DCDC1: variants seen among roughly 807,000 people sequenced by gnomAD.
The protein encoded by DCDC1 is doublecortin domain-containing protein 1.
DCDC1 carries 200 observed loss-of-function variants against 178.3 expected under a neutral mutation model. The ratio of observed to expected loss-of-function variants is 1.12; its 90% confidence interval spans 1.00 to 1.26. The LOEUF is 1.26. Among genes scored for constraint, DCDC1 ranks in the 50% most tolerant of loss-of-function variants. The pLI, the probability that DCDC1 is intolerant of heterozygous loss-of-function variation, is 0.00. For synonymous variants in DCDC1, 690 were observed against 604.8 expected (o/e 1.14, Z -2.07); for missense variants, 1,983 against 1,749.2 (o/e 1.13, Z -2.38).
At chr11:31,066,882 G>A (rs540247975) in intron 18 of DCDC1, among the ~76,000 whole-genome samples, 1 of 152,288 alleles carries the variant, frequency 6.6e-6, no homozygotes, top group African/African-American at 2.4e-5. Flanking sequence ...ATGTGTCAGT[G>A]TAGGTTCACC....
chr11:31,180,681 A>G (rs1968671726), intron 9 of DCDC1, among the ~76,000 whole-genome samples: 2 of 151,978 alleles, frequency 1.3e-5, no homozygotes, highest in African/African-American at 4.8e-5. Flanking sequence ...AGATATTATG[A>G]TTTTCCCATG....
At chr11:30,951,761 G>A (rs1459938568) in intron 21 of DCDC1, among the ~76,000 whole-genome samples, 1 of 151,938 alleles carries the variant, frequency 6.6e-6, no homozygotes, top group Non-Finnish European at 1.5e-5. Flanking sequence ...TTCCAAACTA[G>A]TTGATGGGGA....
chr11:30,987,264 G>C (rs1198845988), intron 20 of DCDC1, among the ~76,000 whole-genome samples: 1 of 152,132 alleles, frequency 6.6e-6, no homozygotes, highest in East Asian at 1.9e-4. Flanking sequence ...TGATCTGCCT[G>C]CCTCAGCCTC....
chr11:31,062,700 T>A (rs187394812), intron 20 of DCDC1, among the ~76,000 whole-genome samples: 1 of 152,172 alleles, frequency 6.6e-6, no homozygotes, highest in Admixed American at 6.5e-5. Context: ...ACTTTTGCTA[T>A]CTATCAGAAA....
At chr11:31,145,419 G>A (rs1428563342) in intron 9 of DCDC1, among the ~76,000 whole-genome samples, 5 of 152,164 alleles carry the variant, frequency 3.3e-5, no homozygotes, top group South Asian at 2.1e-4. Flanking sequence ...GGTAATGACC[G>A]GAAGTAGCCT....
Position 31,077,918 on chromosome 11 carries a change from C to T in DCDC1, c.2245G>A (p.Gly749Arg), listed in dbSNP as rs1226626253. The change falls in exon 18 of 39, where the codon GGA becomes AGA. Residue 749 changes from glycine (G) to arginine (R), a missense_variant. Coordinates refer to ENST00000684477, the MANE Select transcript of DCDC1 (RefSeq NM_001387274.1). ...AACACCCACTTCTGAGAGTCATCTC[C>T]ACTATGTCTGTAACGAAAATGTAAT... The part of the protein sequence containing the change: ...YKLILQKRHS[G>R]DDSQKWVFGT... The T allele has an allele frequency of 1.3e-6, 1 of 766,092 alleles. No individual in the cohort carries two copies. Among genetic ancestry groups the T allele is most frequent in the South Asian group, 1.3e-5 (1 of 74,592 alleles). The allele number at this position is 766,092 out of a possible 1,614,324, so 47.5% of individuals were successfully genotyped here.
intron 32 of DCDC1, among the ~76,000 whole-genome samples, chr11:30,902,459 T>C (rs1169923416): frequency 2.0e-5 from 3 of 152,168 alleles, no homozygotes; most frequent in African/African-American, 7.2e-5. Context: ...GCAACAATAA[T>C]GGACTAAGAC....
intron 7 of DCDC1, among the ~76,000 whole-genome samples, chr11:31,271,159 T>G (rs1028071881): frequency 6.6e-6 from 1 of 152,194 alleles, no homozygotes; most frequent in Non-Finnish European, 1.5e-5. Context: ...AGAGAGAAAT[T>G]TGAAGCCTCA....
At chr11:31,213,111 CT>C (rs1158961916) in intron 9 of DCDC1, among the ~76,000 whole-genome samples, 6 of 40,612 alleles carry the variant, frequency 1.5e-4, no homozygotes, top group Non-Finnish European at 3.0e-4. Flanking sequence ...CTCTCTCTCT[CT>C]CTCTCTCTCT....
chr11:30,927,893 C>T (rs1384723434), intron 22 of DCDC1, among the ~76,000 whole-genome samples: 7 of 152,102 alleles, frequency 4.6e-5, no homozygotes, highest in East Asian at 1.9e-4. Flanking sequence ...CCAAGTGCTC[C>T]AACCTTTCAG....
At chr11:31,068,657 T>G (rs1378134387) in intron 18 of DCDC1, among the ~76,000 whole-genome samples, 1 of 152,180 alleles carries the variant, frequency 6.6e-6, no homozygotes, top group African/African-American at 2.4e-5. Context: ...TGCTTATCAT[T>G]TTATTCAGTT....
chr11:30,879,754 A>C (rs2133966843), intron 37 of DCDC1, among the ~76,000 whole-genome samples: 1 of 152,214 alleles, frequency 6.6e-6, no homozygotes, highest in Admixed American at 6.5e-5. Flanking sequence ...CACAGTTTTT[A>C]TTGTTGACAA....
At chr11:31,337,839 G>C (rs1216273755) in intron 1 of DCDC1, among the ~76,000 whole-genome samples, 1 of 152,158 alleles carries the variant, frequency 6.6e-6, no homozygotes, top group African/African-American at 2.4e-5. Flanking sequence ...GTCTAGACGT[G>C]ATCTTTGGCT....
intron 9 of DCDC1, among the ~76,000 whole-genome samples, chr11:31,206,850 C>T (rs1380104757): frequency 6.6e-6 from 1 of 152,164 alleles, no homozygotes; most frequent in Non-Finnish European, 1.5e-5. Context: ...GTAGACATCA[C>T]ATTACAATCA....
At chr11:31,171,601 A>G (rs1159314972) in intron 9 of DCDC1, among the ~76,000 whole-genome samples, 1 of 152,220 alleles carries the variant, frequency 6.6e-6, no homozygotes, top group Non-Finnish European at 1.5e-5. Context: ...AGTGTCTTCA[A>G]CTGGAAATCA....
intron 20 of DCDC1, chr11:30,992,834 A>T (rs1007119371): frequency 4.6e-5 from 7 of 152,190 alleles, no homozygotes; most frequent in African/African-American, 1.7e-4. Flanking sequence ...TCTTGATATT[A>T]AAAAATCTAA....
intron 8 of DCDC1, among the ~76,000 whole-genome samples, chr11:31,263,324 C>T (rs1591577580): frequency 6.6e-6 from 1 of 152,052 alleles, no homozygotes; most frequent in Non-Finnish European, 1.5e-5. Flanking sequence ...TAAAGAAAAT[C>T]TTAGCCAGAG....
intron 9 of DCDC1, among the ~76,000 whole-genome samples, chr11:31,239,817 G>T (rs542169776): frequency 4.0e-5 from 6 of 151,304 alleles, no homozygotes; most frequent in African/African-American, 1.5e-4. Flanking sequence ...GAGTCATAAA[G>T]AATTTTTTAA....
At chr11:31,034,992 A>C (rs948809928) in intron 20 of DCDC1, among the ~76,000 whole-genome samples, 6 of 152,180 alleles carry the variant, frequency 3.9e-5, no homozygotes, top group Non-Finnish European at 7.4e-5. Flanking sequence ...GTCCAGGCAA[A>C]AGTGCCCAGA....
Sources: gnomAD v4.1 joint callset for allele counts (sites outside exome capture counted in the v4.1 genomes callset) on GRCh38, gnomAD v4.1.1 for gene constraint, MANE v1.5 for transcripts, NCBI Gene and HGNC (gene_info 2026-07-23, HGNC 2026-07-21) for gene names.